Variants in PDCD10 observed in about 807,000 individuals in gnomAD.
The protein encoded by PDCD10 is programmed cell death protein 10.
A neutral mutation model predicts 29.2 loss-of-function variants in PDCD10; 4 were observed. The observed-to-expected ratio is 0.14, with a 90% CI of 0.07 to 0.31. PDCD10 has a LOEUF of 0.31. Among genes scored for constraint, PDCD10 ranks in the 10% least tolerant of loss-of-function variants. The pLI is 1.00. For missense variants in PDCD10, 183 were observed against 257.9 expected (o/e 0.71, Z 1.99); for synonymous variants, 70 against 82.2 (o/e 0.85, Z 0.80).
At chr3:167,709,287 C>T (rs1722294244) in intron 3 of PDCD10, among the ~76,000 whole-genome samples, 1 of 152,158 alleles carries the variant, frequency 6.6e-6, no homozygotes, top group African/African-American at 2.4e-5. Flanking sequence ...AGTGAGCAAT[C>T]ATAGTACCTG....
chr3:167,699,411 A>G (rs1577335470), intron 4 of PDCD10, among the ~76,000 whole-genome samples: 1 of 152,220 alleles, frequency 6.6e-6, no homozygotes, highest in East Asian at 1.9e-4. Context: ...TGAATTTGCT[A>G]TGGGCCACCA....
At chr3:167,712,282 T>G (rs1475125227) in intron 3 of PDCD10, among the ~76,000 whole-genome samples, 1 of 152,098 alleles carries the variant, frequency 6.6e-6, no homozygotes, top group Non-Finnish European at 1.5e-5. Context: ...AGAGATTTTA[T>G]TAGTTTTCTT....
At chr3:167,724,986 G>C (rs753014784) in intron 2 of PDCD10, among the ~76,000 whole-genome samples, 1 of 152,148 alleles carries the variant, frequency 6.6e-6, no homozygotes, top group South Asian at 2.1e-4. Context: ...GCTGGGCACG[G>C]TGGCTCATGC....
intron 4 of PDCD10, among the ~76,000 whole-genome samples, chr3:167,699,296 T>C (rs999246103): frequency 6.6e-6 from 1 of 152,208 alleles, no homozygotes; most frequent in Non-Finnish European, 1.5e-5. Flanking sequence ...CAATCCAATA[T>C]GCTAAATTGC....
chr3:167,684,530 T>C (rs1719374975), intron 8 of PDCD10, 141 bp from the exon 9 acceptor site: 1 of 618,158 alleles, frequency 1.6e-6, no homozygotes, highest in African/African-American at 1.9e-5. Context: ...TTTATTCCAA[T>C]TTAGGATATA....
intron 2 of PDCD10, chr3:167,730,666 A>G (rs1313203604): frequency 1.3e-5 from 2 of 152,210 alleles, no homozygotes; most frequent in East Asian, 3.8e-4. Context: ...ACAAGGCTAC[A>G]GAAACTCAGG....
Position 167,684,124 on chromosome 3 carries a change from G to A in PDCD10, c.*184C>T. 1.9e-6 allele frequency: 1 copy of A among 522,742 alleles called. No individual in the cohort carries two copies. The highest frequency in any genetic ancestry group is 3.5e-6 in the Non-Finnish European group (1 of 288,310). The allele number at this position is 522,742 out of a possible 1,614,324, so 32.4% of individuals were successfully genotyped here. On this transcript the variant is annotated 3_prime_UTR_variant, in exon 9 of 9. Transcript: ENST00000392750. The stretch of plus-strand genomic sequence containing the variant: ...GCAAAAGTGATGCAAAATCTTCAGT[G>A]TGAGATTATGATTAAGCTACATTTT...
intron 3 of PDCD10, among the ~76,000 whole-genome samples, chr3:167,718,630 T>C (rs1319619783): frequency 6.6e-6 from 1 of 151,830 alleles, no homozygotes; most frequent in Non-Finnish European, 1.5e-5. Context: ...GTGTAGGCCT[T>C]TCAAAAAGGC....
chr3:167,689,209 G>T, intron 6 of PDCD10, among the ~76,000 whole-genome samples: 1 of 151,960 alleles, frequency 6.6e-6, no homozygotes, highest in East Asian at 1.9e-4. Flanking sequence ...GGCTTAAGTT[G>T]AATCTTTGTA....
At chr3:167,697,180 A>G in intron 4 of PDCD10, 54 bp from the exon 5 acceptor site, 1 of 968,076 alleles carries the variant, frequency 1.0e-6, no homozygotes. Context: ...CAACATTTTA[A>G]AGCCAAAGTT....
rs1453812812 is a variant in PDCD10, at chr3:167,690,883, A to T, written c.396-3190T>A. 2.0e-5 allele frequency among the ~76,000 whole-genome samples: 3 copies of T among 152,222 alleles called. No individual in the cohort carries two copies. The East Asian group carries it at 5.8e-4, about 29-fold the overall frequency. On this transcript the variant is annotated intron_variant, in intron 6 of 8. Coordinates refer to ENST00000392750, the MANE Select transcript of PDCD10 (RefSeq NM_007217.4). ...AACTTATATCCAAGGTTACATAGCT[A>T]AATGTTGGAACACAGATTCAAATCT... is the stretch of plus-strand genomic sequence containing the variant.
At position 167,704,020 on chromosome 3, in the gene PDCD10, T is replaced by C. The variant is rs77936958; in HGVS notation, c.150+822A>G. 9.4e-3 allele frequency among the ~76,000 whole-genome samples: 1,433 copies of C among 152,296 alleles called. 31 individuals are homozygous for C. The East Asian group carries it at 0.097, about 10-fold the overall frequency. ...TTTTTAAATGCTCAAAAGCAACATGTGGCTAGTGATAACCCACTGAACAGC... is the reference window on the plus strand; with the variant it reads ...TTTTTAAATGCTCAAAAGCAACATGCGGCTAGTGATAACCCACTGAACAGC... On this transcript the variant is annotated intron_variant, in intron 4 of 8. Coordinates refer to ENST00000392750, the MANE Select transcript of PDCD10 (RefSeq NM_007217.4).
chr3:167,703,853 A>G (rs1721688322), intron 4 of PDCD10, among the ~76,000 whole-genome samples: 1 of 152,226 alleles, frequency 6.6e-6, no homozygotes, highest in East Asian at 1.9e-4. Context: ...TTATTTTAAT[A>G]GTACATCCAA....
intron 6 of PDCD10, 30 bp downstream of exon 6, chr3:167,695,566 A>C (rs1720714134): frequency 2.5e-6 from 4 of 1,607,034 alleles, no homozygotes; most frequent in Non-Finnish European, 1.7e-6. Flanking sequence ...ACTTTTAAGA[A>C]AAGAAGAAAC....
intron 4 of PDCD10, among the ~76,000 whole-genome samples, chr3:167,704,105 T>C (rs1721726456): frequency 6.6e-6 from 1 of 152,234 alleles, no homozygotes; most frequent in South Asian, 2.1e-4. Context: ...ATCCTCAAAG[T>C]ATATTTAATT....
At chr3:167,732,928 T>A (rs1398971221) in intron 2 of PDCD10, among the ~76,000 whole-genome samples, 1 of 152,224 alleles carries the variant, frequency 6.6e-6, no homozygotes, top group Non-Finnish European at 1.5e-5. Flanking sequence ...TTTCCATTTG[T>A]TTAACTGGGT....
chr3:167,694,046 T>C (rs1720535623), intron 6 of PDCD10, among the ~76,000 whole-genome samples: 1 of 152,192 alleles, frequency 6.6e-6, no homozygotes, highest in Non-Finnish European at 1.5e-5. Context: ...CACCCATCTA[T>C]GGAATGTTAA....
intron 3 of PDCD10, among the ~76,000 whole-genome samples, chr3:167,716,873 C>CTAATG (rs1188769887): frequency 6.6e-6 from 1 of 151,782 alleles, no homozygotes; most frequent in Non-Finnish European, 1.5e-5. Context: ...GAAAACAATT[C>CTAATG]CTCTAAATGG....
chr3:167,705,524 A>G (rs1721887062), intron 3 of PDCD10, among the ~76,000 whole-genome samples: 1 of 152,132 alleles, frequency 6.6e-6, no homozygotes, highest in Non-Finnish European at 1.5e-5. Context: ...CCTGTATGGG[A>G]TCTCTAACAC....
Sources: allele counts gnomAD v4.1 joint callset (sites outside exome capture counted in the v4.1 genomes callset), GRCh38; gene constraint gnomAD v4.1.1; transcripts MANE v1.5; gene names NCBI Gene and HGNC (gene_info 2026-07-23, HGNC 2026-07-21).